Variants in NIFK observed in about 807,000 individuals in gnomAD.
The protein encoded by NIFK is MKI67 FHA domain-interacting nucleolar phosphoprotein.
Under a neutral mutation model 31.7 loss-of-function variants are expected in NIFK, and 16 were observed. The ratio of observed to expected loss-of-function variants is 0.50; its 90% CI spans 0.34 to 0.77. The LOEUF is 0.77. Among genes scored for constraint, NIFK ranks in the 30% least tolerant of loss-of-function variants. The pLI, the probability that NIFK is intolerant of heterozygous loss-of-function variation, is 0.01. For missense variants in NIFK, 341 were observed against 350.4 expected, an observed-to-expected ratio of 0.97 and a Z score of 0.21; for synonymous variants, 126 against 123.0, an observed-to-expected ratio of 1.02 and a Z score of -0.16.
chr2:121,731,173 C>T, intron 3 of NIFK, 69 bp from the exon 4 acceptor site: 1 of 836,596 alleles, frequency 1.2e-6, no homozygotes, highest in Non-Finnish European at 1.9e-6. Flanking sequence ...AGTGCCATTC[C>T]TCACACAACA....
intron 2 of NIFK, among the ~76,000 whole-genome samples, chr2:121,734,535 G>A (rs1573375944): frequency 1.3e-5 from 2 of 152,148 alleles, no homozygotes; most frequent in Admixed American, 1.3e-4. Context: ...GCTCACGCCT[G>A]TAATCTCAGC....
At chr2:121,733,809 T>C (rs922672424) in intron 2 of NIFK, among the ~76,000 whole-genome samples, 2 of 152,202 alleles carry the variant, frequency 1.3e-5, no homozygotes, top group African/African-American at 4.8e-5. Context: ...TACATGCATA[T>C]GTATGTGTGC....
intron 4 of NIFK, 91 bp downstream of exon 4, chr2:121,730,802 G>T (rs560445615): frequency 2.4e-6 from 2 of 829,260 alleles, no homozygotes; most frequent in Admixed American, 4.0e-5. Flanking sequence ...TCAAGATTGT[G>T]GTAAGTGCTA....
chr2:121,736,661 C>A, intron 1 of NIFK, 85 bp downstream of exon 1: 1 of 1,191,054 alleles, frequency 8.4e-7, no homozygotes, highest in Non-Finnish European at 1.2e-6. Flanking sequence ...AAGGGGCGCC[C>A]GGGCCGGAAA....
At chr2:121,730,186 C>T (rs2074527440) in intron 4 of NIFK, among the ~76,000 whole-genome samples, 1 of 152,066 alleles carries the variant, frequency 6.6e-6, no homozygotes, top group Admixed American at 6.5e-5. Flanking sequence ...TGCACTCCAG[C>T]CTGCCTGGGC....
At chr2:121,730,163 G>A (rs991826626) in intron 4 of NIFK, among the ~76,000 whole-genome samples, 1 of 152,122 alleles carries the variant, frequency 6.6e-6, no homozygotes, top group Non-Finnish European at 1.5e-5. Context: ...GCAATGAACT[G>A]AGATTGTGCC....
In NIFK at chr2:121,727,724, T is replaced by C; in HGVS notation, c.882A>G (p.Ter294TrpextTer23). The C allele has an allele frequency of 6.3e-7, 1 of 1,591,068 alleles. No individual in the cohort carries two copies. Among genetic ancestry groups the C allele is most frequent in the Non-Finnish European group, 8.5e-7 (1 of 1,171,126 alleles). Reference protein sequence around the residue: ...RKKRRRSSNQ* With the variant: ...RKKRRRSSNQW ...CAAAAGAAATATAATACATTGAAAA[T>C]CACTGATTGCTGCTTCTTCGTCTTT... The change falls in exon 7 of 7, where the codon TGA becomes TGG. Residue 294 changes from the stop codon to tryptophan, a stop_lost. Coordinates refer to ENST00000285814, the MANE Select transcript of NIFK (RefSeq NM_032390.5).
At chr2:121,729,073 G>A (rs1053710458) in intron 4 of NIFK, among the ~76,000 whole-genome samples, 2 of 152,098 alleles carry the variant, frequency 1.3e-5, no homozygotes, top group South Asian at 2.1e-4. Context: ...TAAAAACCTA[G>A]TAAATTGGCT....
chr2:121,732,594 A>T (rs1334238652), intron 2 of NIFK, among the ~76,000 whole-genome samples: 2 of 152,256 alleles, frequency 1.3e-5, no homozygotes, highest in African/African-American at 4.8e-5. Flanking sequence ...CAACTTGGAC[A>T]CTTCCACAAC....
chr2:121,733,495 A>G (rs1282521285), intron 2 of NIFK, among the ~76,000 whole-genome samples: 1 of 151,772 alleles, frequency 6.6e-6, no homozygotes. Flanking sequence ...AGCCTGGGCA[A>G]CAGAGTGAGA....
intron 2 of NIFK, among the ~76,000 whole-genome samples, chr2:121,734,824 ATTCCC>A (rs1412418067): frequency 2.6e-5 from 4 of 152,224 alleles, no homozygotes; most frequent in Non-Finnish European, 5.9e-5. Context: ...TGTGAATTTA[ATTCCC>A]TAATTAAAGA....
rs748696740 is a variant in NIFK, at chr2:121,727,481, A to G, written c.*243T>C. On this transcript the variant is annotated 3_prime_UTR_variant, in exon 7 of 7. Coordinates refer to ENST00000285814, the MANE Select transcript of NIFK (RefSeq NM_032390.5). ...AAGGAGAGCTATGAAATATCAAAAG[A>G]AAACTAGAGGCCAGGACAAAGAGGC... 1.5e-6 allele frequency: 1 copy of G among 659,526 alleles called. No homozygotes were observed. Among genetic ancestry groups the G allele is most frequent in the Non-Finnish European group, 2.9e-6 (1 of 350,224 alleles). The allele number at this position is 659,526 out of a possible 1,614,324, so 40.9% of individuals were successfully genotyped here. A position where few individuals can be genotyped will look rare whatever the true frequency, so the allele number is the denominator to read the frequency against.
chr2:121,727,848 T>C lies in NIFK; in HGVS notation c.758A>G (p.Asn253Ser), dbSNP rs200539941. 7.4e-6 allele frequency: 12 copies of C among 1,612,632 alleles called. No homozygotes were observed. Among genetic ancestry groups the C allele is most frequent in the Non-Finnish European group, 9.3e-6 (11 of 1,179,816 alleles). The change falls in exon 7 of 7, where the codon AAT becomes AGT. Residue 253 changes from asparagine to serine, a missense_variant. Coordinates refer to ENST00000285814, the MANE Select transcript of NIFK (RefSeq NM_032390.5). ...TATTTCATCATCTTTATCATCATCA[T>C]TCAGTTCAGCCACTTGAGATTTTCG... Reference protein sequence around the residue: ...ERRKSQVAELNDDDKDDEIVF... With the variant: ...ERRKSQVAELSDDDKDDEIVF...
At chr2:121,734,395 T>C (rs964965399) in intron 2 of NIFK, among the ~76,000 whole-genome samples, 3 of 152,104 alleles carry the variant, frequency 2.0e-5, no homozygotes, top group African/African-American at 7.2e-5. Flanking sequence ...TGAAGAATGA[T>C]AGAGTAATAT....
In NIFK at chr2:121,730,897, G is replaced by A. The variant is rs772627155; in HGVS notation, c.560C>T (p.Ser187Phe). Residue 187 changes from serine (S) to phenylalanine (F), a missense_variant, in exon 4 of 7, where the codon TCT becomes TTT. Coordinates refer to ENST00000285814, the MANE Select transcript of NIFK (RefSeq NM_032390.5). ...AAAGATTTCACGAATATTTACCAAA[G>A]AAGGAAAATCATAGTCAATTCCTTT... ...AKKGIDYDFP[S>F]LILQKTESIS... 14 of 1,597,614 alleles carry A rather than the reference G, an allele frequency of 8.8e-6. No homozygotes were observed. In the East Asian group the frequency reaches 2.0e-4, roughly 23 times the overall value.
chr2:121,731,192 T>C, intron 3 of NIFK, 88 bp from the exon 4 acceptor site: 1 of 711,486 alleles, frequency 1.4e-6, no homozygotes, highest in Non-Finnish European at 2.4e-6. Flanking sequence ...CAAAATGATA[T>C]GGCTGGGTAC....
intron 2 of NIFK, among the ~76,000 whole-genome samples, chr2:121,732,607 A>G (rs551582950): frequency 1.3e-5 from 2 of 152,366 alleles, no homozygotes; most frequent in East Asian, 3.9e-4. Flanking sequence ...TCCACAACTG[A>G]GTCTCAGCTT....
In NIFK at chr2:121,728,331, A is replaced by G; in HGVS notation, c.650T>C (p.Val217Ala). 6.2e-7 allele frequency: 1 copy of G among 1,608,936 alleles called. No homozygotes were observed. Among genetic ancestry groups the G allele is most frequent in the Middle Eastern group, 1.7e-4 (1 of 5,756 alleles). The change falls in exon 6 of 7, where the codon GTT becomes GCT. Residue 217 changes from valine to alanine, a missense_variant. Coordinates refer to ENST00000285814, the MANE Select transcript of NIFK (RefSeq NM_032390.5). Reference protein sequence around the residue: ...GQVLRKKKKKVSGTLDTPEKT... With the variant: ...GQVLRKKKKKASGTLDTPEKT... Reference sequence around the variant, plus strand: ...CTCAGGAGTGTCAAGAGTACCTGAAACTTTTTTCTTCTTCTTACGTAAAAC... The same window carrying G: ...CTCAGGAGTGTCAAGAGTACCTGAAGCTTTTTTCTTCTTCTTACGTAAAAC...
At chr2:121,730,708 G>A (rs1033031920) in intron 4 of NIFK, 185 bp downstream of exon 4, 4 of 584,482 alleles carry the variant, frequency 6.8e-6, no homozygotes, top group African/African-American at 3.7e-5. Flanking sequence ...GCCAGACGTG[G>A]TGGTGTGCAC....
Sources: gnomAD v4.1 joint callset for allele counts (sites outside exome capture counted in the v4.1 genomes callset) on GRCh38, gnomAD v4.1.1 for gene constraint, MANE v1.5 for transcripts, NCBI Gene and HGNC (gene_info 2026-07-23, HGNC 2026-07-21) for gene names.